Variants in FRY observed in about 807,000 individuals in gnomAD.
FRY encodes FRY microtubule binding protein.
A neutral mutation model predicts 348.4 loss-of-function variants in FRY; 128 were observed. That is an observed-to-expected ratio of 0.37 (90% CI 0.32 to 0.43). FRY has a LOEUF of 0.43. FRY is among the 20% of genes least tolerant of loss of function. The pLI is 1.00. For missense variants in FRY, 2,736 were observed against 3,695.2 expected (o/e 0.74, Z 6.73); for synonymous variants, 1,370 against 1,374.7 (o/e 1.00, Z 0.08).
chr13:32,060,929 C>G (rs544000458), intron 1 of FRY: 28 of 373,850 alleles, frequency 7.5e-5, no homozygotes, highest in African/African-American at 4.7e-4. Flanking sequence ...AGGTCTTTAG[C>G]ACCTGACTAA....
intron 24 of FRY, 32 bp from the exon 25 acceptor site, chr13:32,184,568 G>A (rs1242004808): frequency 7.6e-7 from 1 of 1,321,292 alleles, no homozygotes; most frequent in African/African-American, 1.4e-5. Flanking sequence ...TTTTGCCTGT[G>A]TCTGTAAGTG....
chr13:32,261,276 A>G (rs1369923172), intron 51 of FRY, among the ~76,000 whole-genome samples: 1 of 152,196 alleles, frequency 6.6e-6, no homozygotes, highest in Admixed American at 6.5e-5. Flanking sequence ...CCTCTTTTGA[A>G]GTTTTCATAC....
At chr13:32,136,624 A>C (rs560179397) in intron 10 of FRY, among the ~76,000 whole-genome samples, 27 of 152,322 alleles carry the variant, frequency 1.8e-4, no homozygotes, top group Admixed American at 1.8e-3. Context: ...TTATACATGA[A>C]ACTTCTTTCA....
At chr13:32,223,912 T>G (rs991364334) in intron 36 of FRY, among the ~76,000 whole-genome samples, 1 of 151,910 alleles carries the variant, frequency 6.6e-6, no homozygotes, top group Admixed American at 6.6e-5. Flanking sequence ...TGTGTGTGTA[T>G]TTTTAGTAGA....
rs1872268429 is a variant in FRY at position 32,032,047 on chromosome 13, T to G, written c.70+182T>G. ...TTTTTCTTTCTTTCTTTCTTTCTTT[T>G]TTTGCTCCCATCTGCTGTGAAAATC... On this transcript the variant is annotated intron_variant, in intron 1 of 60. Coordinates refer to ENST00000542859, the MANE Select transcript of FRY (RefSeq NM_023037.3). Among the ~76,000 whole-genome samples, 3 of 147,368 alleles carry G rather than the reference T, an allele frequency of 2.0e-5. No homozygotes were observed. The South Asian group carries it at 6.2e-4, about 31-fold the overall frequency.
chr13:32,076,865 A>C (rs1014997486), intron 1 of FRY, among the ~76,000 whole-genome samples: 2 of 152,198 alleles, frequency 1.3e-5, no homozygotes, highest in Admixed American at 6.5e-5. Flanking sequence ...CCTTGTCTCC[A>C]ATCAATAATT....
rs1251072665 is a variant in FRY, at chr13:32,091,583, G to A, written c.271-10380G>A. On this transcript the variant is annotated intron_variant, in intron 2 of 60. Transcript: ENST00000542859. ...GGGTGTAGATAGTTCTGAACAAAAC[G>A]CTTTGGTGCATTTTCACAGTTGGGT... Among the ~76,000 whole-genome samples the A allele has an allele frequency of 5.3e-5, 8 of 152,146 alleles. 1 individual carries two copies. The highest frequency in any genetic ancestry group is 1.5e-5 in the Non-Finnish European group (1 of 67,978).
At chr13:32,275,312 C>CG (rs1888480525) in intron 56 of FRY, among the ~76,000 whole-genome samples, 1 of 151,418 alleles carries the variant, frequency 6.6e-6, no homozygotes, top group African/African-American at 2.4e-5. Context: ...GGCATGACCC[C>CG]GGGGGGCAGA....
chr13:32,280,827 A>C (rs1381438701), intron 58 of FRY, among the ~76,000 whole-genome samples: 1 of 152,216 alleles, frequency 6.6e-6, no homozygotes, highest in Non-Finnish European at 1.5e-5. Context: ...CCTAAGGATA[A>C]CCAGAAATTC....
chr13:32,236,407 CTAAG>C (rs1344192640), intron 43 of FRY, among the ~76,000 whole-genome samples: 12 of 151,956 alleles, frequency 7.9e-5, no homozygotes, highest in African/African-American at 2.7e-4. Context: ...AAGATAGATA[CTAAG>C]TGTTATCTCT....
intron 3 of FRY, among the ~76,000 whole-genome samples, chr13:32,113,968 G>A (rs891742192): frequency 5.9e-5 from 9 of 152,304 alleles, no homozygotes; most frequent in African/African-American, 1.7e-4. Flanking sequence ...AATGGATTCA[G>A]GGTGACTTTT....
At chr13:32,278,002 C>G (rs1426192642) in intron 57 of FRY, among the ~76,000 whole-genome samples, 2 of 152,168 alleles carry the variant, frequency 1.3e-5, no homozygotes, top group East Asian at 3.8e-4. Flanking sequence ...CCATAATAGC[C>G]TTTCTTATAG....
intron 29 of FRY, among the ~76,000 whole-genome samples, chr13:32,196,416 T>G (rs577825610): frequency 5.3e-5 from 8 of 152,346 alleles, no homozygotes; most frequent in African/African-American, 1.9e-4. Context: ...TTAAATGTTC[T>G]TGTTGATTTA....
In FRY at chr13:32,124,300, G is replaced by A. The variant is rs372366829; in HGVS notation, c.479G>A (p.Arg160Gln). ...AAATTTTACAGCGATGAACAACAGC[G>A]AGATTATTTAATGGAAAGACGGGAC... Reference protein sequence around the residue: ...SNKSKSDEQQRDYLMERRDLA... With the variant: ...SNKSKSDEQQQDYLMERRDLA... Residue 160 changes from arginine (R) to glutamine (Q), a missense_variant, in exon 5 of 61, where the codon CGA becomes CAA. By Grantham distance (43) the Arg-to-Gln change is conservative. This residue lies in a region of FRY where 309 missense variants were observed against 418.1 expected (regional missense o/e 0.74). Transcript: ENST00000542859. 8 of 1,592,464 alleles carry A rather than the reference G, an allele frequency of 5.0e-6. No individual in the cohort carries two copies. The highest frequency in any genetic ancestry group is 3.3e-5 in the Admixed American group (2 of 59,972).
At chr13:32,284,479 T>C (rs1299209918) in intron 58 of FRY, among the ~76,000 whole-genome samples, 2 of 152,234 alleles carry the variant, frequency 1.3e-5, no homozygotes, top group Non-Finnish European at 2.9e-5. Context: ...TTTCTCATAT[T>C]GGCTAAAGAA....
chr13:32,043,915 C>T (rs1047195149), intron 1 of FRY, among the ~76,000 whole-genome samples: 2 of 152,122 alleles, frequency 1.3e-5, no homozygotes, highest in South Asian at 2.1e-4. Flanking sequence ...TATACCCAGG[C>T]CAGGCACAGT....
intron 1 of FRY, among the ~76,000 whole-genome samples, chr13:32,042,976 T>C (rs1338955940): frequency 6.6e-6 from 1 of 152,214 alleles, no homozygotes; most frequent in African/African-American, 2.4e-5. Flanking sequence ...TACAATGGTA[T>C]GTATTAGTCT....
At chr13:32,177,929 A>C (rs1294304229) in intron 20 of FRY, among the ~76,000 whole-genome samples, 1 of 152,232 alleles carries the variant, frequency 6.6e-6, no homozygotes, top group Non-Finnish European at 1.5e-5. Context: ...CTGTGGCAAT[A>C]AACCTGTCAA....
intron 2 of FRY, among the ~76,000 whole-genome samples, chr13:32,084,482 C>T (rs1232089416): frequency 6.6e-6 from 1 of 152,144 alleles, no homozygotes; most frequent in African/African-American, 2.4e-5. Flanking sequence ...TCTGCCTACC[C>T]TTTAAGGCCC....
Sources: gnomAD v4.1 joint callset for allele counts (sites outside exome capture counted in the v4.1 genomes callset) on GRCh38, gnomAD v4.1.1 for gene constraint, gnomAD v4.1.1 regional missense constraint, MANE v1.5 for transcripts, NCBI Gene and HGNC (gene_info 2026-07-23, HGNC 2026-07-21) for gene names.